GYPE: variants seen among roughly 807,000 people sequenced by gnomAD.
The protein encoded by GYPE is glycophorin E (MNS blood group), also known as glycophorin-E.
A neutral mutation model predicts 11.6 loss-of-function variants in GYPE; 8 were observed. The observed-to-expected ratio is 0.69, with a 90% CI of 0.41 to 1.25. GYPE has a LOEUF of 1.25. GYPE is among the 50% of genes most tolerant of loss of function. The pLI, the probability that GYPE is intolerant of heterozygous loss-of-function variation, is 0.01. For missense variants in GYPE, 90 were observed against 92.8 expected (o/e 0.97, Z 0.12); for synonymous variants, 28 against 29.6 (o/e 0.94, Z 0.18).
chr4:143,879,187 C>T (rs796091499), intron 2 of GYPE, among the ~76,000 whole-genome samples: 18 of 151,684 alleles, frequency 1.2e-4, no homozygotes, highest in East Asian at 7.8e-4. Context: ...TCTATGTCAG[C>T]AGCAATTGAT....
intron 3 of GYPE, among the ~76,000 whole-genome samples, chr4:143,874,626 C>T (rs1743728554): frequency 6.6e-6 from 1 of 152,204 alleles, no homozygotes; most frequent in South Asian, 2.1e-4. Context: ...TCAGACACTC[C>T]TCCTTCTGAC....
At chr4:143,895,103 G>T (rs1345282918) in intron 1 of GYPE, among the ~76,000 whole-genome samples, 1 of 152,102 alleles carries the variant, frequency 6.6e-6, no homozygotes, top group Non-Finnish European at 1.5e-5. Context: ...CACAAGACAG[G>T]GATGCCCTCT....
At chr4:143,896,201 A>G (rs1744625804) in intron 1 of GYPE, among the ~76,000 whole-genome samples, 1 of 152,136 alleles carries the variant, frequency 6.6e-6, no homozygotes, top group South Asian at 2.1e-4. Flanking sequence ...AAAAGAAACT[A>G]CCATCAGAGT....
intron 1 of GYPE, among the ~76,000 whole-genome samples, chr4:143,896,683 T>C (rs1277807512): frequency 4.6e-5 from 7 of 151,428 alleles, no homozygotes; most frequent in Admixed American, 4.6e-4. Context: ...CTATAAATCA[T>C]GCTGCTATAA....
intron 3 of GYPE, among the ~76,000 whole-genome samples, chr4:143,876,542 A>G (rs906203253): frequency 6.6e-6 from 1 of 152,184 alleles, no homozygotes; most frequent in Non-Finnish European, 1.5e-5. Flanking sequence ...GGACAGATTT[A>G]TATTTAGAGG....
intron 1 of GYPE, among the ~76,000 whole-genome samples, chr4:143,898,324 C>T (rs969257733): frequency 3.3e-5 from 5 of 152,176 alleles, no homozygotes. Context: ...TTGCAGTGAG[C>T]TGAGATCGTG....
intron 3 of GYPE, among the ~76,000 whole-genome samples, chr4:143,876,019 A>C (rs1414439718): frequency 6.6e-6 from 1 of 152,068 alleles, no homozygotes; most frequent in African/African-American, 2.4e-5. Flanking sequence ...AAAAAAAATC[A>C]CTGATGTTAA....
At chr4:143,897,052 A>T (rs1372036816) in intron 1 of GYPE, among the ~76,000 whole-genome samples, 6 of 152,092 alleles carry the variant, frequency 3.9e-5, no homozygotes, top group Non-Finnish European at 7.3e-5. Context: ...GATATACCTA[A>T]TGCTAAATGA....
chr4:143,872,563 A>G (rs1338049835), intron 3 of GYPE, among the ~76,000 whole-genome samples: 5 of 152,032 alleles, frequency 3.3e-5, no homozygotes, highest in Admixed American at 3.3e-4. Flanking sequence ...AGGGAAGAAG[A>G]CTACAAGCTG....
intron 1 of GYPE, among the ~76,000 whole-genome samples, chr4:143,904,583 C>T (rs1249020621): frequency 3.9e-5 from 6 of 152,148 alleles, no homozygotes; most frequent in Admixed American, 3.9e-4. Flanking sequence ...CTGTATGCTA[C>T]AGAGTATGCT....
At chr4:143,881,395 A>G (rs1447790919) in intron 1 of GYPE, among the ~76,000 whole-genome samples, 5 of 152,140 alleles carry the variant, frequency 3.3e-5, no homozygotes, top group South Asian at 4.1e-4. Context: ...TATAGATTCA[A>G]TAAAGAAAAT....
At chr4:143,872,966 G>A (rs1743668900) in intron 3 of GYPE, among the ~76,000 whole-genome samples, 1 of 152,006 alleles carries the variant, frequency 6.6e-6, no homozygotes, top group Admixed American at 6.6e-5. Context: ...TTTTATTCTG[G>A]TGCAGTGAAA....
At chr4:143,892,016 A>G (rs1335199217) in intron 1 of GYPE, among the ~76,000 whole-genome samples, 2 of 152,158 alleles carry the variant, frequency 1.3e-5, no homozygotes, top group African/African-American at 2.4e-5. Context: ...CAGAGATTCA[A>G]CTTCTTCCTG....
chr4:143,876,512 G>T (rs558657210), intron 3 of GYPE, among the ~76,000 whole-genome samples: 7 of 152,246 alleles, frequency 4.6e-5, no homozygotes, highest in South Asian at 2.1e-4. Flanking sequence ...CTTAGGGAGA[G>T]CTTTCATTGG....
At chr4:143,901,976 G>GA (rs1376161815) in intron 1 of GYPE, among the ~76,000 whole-genome samples, 69 of 152,174 alleles carry the variant, frequency 4.5e-4, no homozygotes, top group African/African-American at 1.4e-3. Flanking sequence ...TTGGCAACTA[G>GA]TCCAGCTCAT....
At chr4:143,902,016 G>T (rs1458057351) in intron 1 of GYPE, among the ~76,000 whole-genome samples, 9 of 151,988 alleles carry the variant, frequency 5.9e-5, no homozygotes, top group Admixed American at 2.6e-4. Context: ...ATTCATTGGG[G>T]TTTACAGATG....
chr4:143,875,695 C>T (rs1284713483), intron 3 of GYPE, among the ~76,000 whole-genome samples: 1 of 152,014 alleles, frequency 6.6e-6, no homozygotes, highest in South Asian at 2.1e-4. Context: ...TGGGGCCAGG[C>T]GCAGTGGCTC....
At chr4:143,886,306 C>A (rs543829729) in intron 1 of GYPE, among the ~76,000 whole-genome samples, 166 of 148,656 alleles carry the variant, frequency 1.1e-3, no homozygotes, top group Non-Finnish European at 1.9e-3. Context: ...ATTAAATAAA[C>A]CAGCATCTGG....
At chr4:143,901,232 G>A (rs571406376) in intron 1 of GYPE, among the ~76,000 whole-genome samples, 1 of 152,108 alleles carries the variant, frequency 6.6e-6, no homozygotes, top group Admixed American at 6.6e-5. Flanking sequence ...ATTTGGGTTA[G>A]ACAGAAATTC....
Sources: allele counts gnomAD v4.1 joint callset (sites outside exome capture counted in the v4.1 genomes callset), GRCh38; gene constraint gnomAD v4.1.1; transcripts MANE v1.5; gene names NCBI Gene and HGNC (gene_info 2026-07-23, HGNC 2026-07-21).